Variants in ADGRB3 observed in about 807,000 individuals in gnomAD.
ADGRB3 encodes brain-specific angiogenesis inhibitor 3.
A neutral mutation model predicts 193.4 loss-of-function variants in ADGRB3; 37 were observed. That is an observed-to-expected ratio of 0.19 (90% CI 0.15 to 0.25). The LOEUF (loss-of-function observed/expected upper bound fraction) is 0.25. Among genes scored for constraint, ADGRB3 ranks in the 10% least tolerant of loss-of-function variants. ADGRB3 has a pLI of 1.00. For missense variants in ADGRB3, 1,637 were observed against 1,852.9 expected (o/e 0.88, Z 2.14); for synonymous variants, 690 against 644.2 (o/e 1.07, Z -1.08).
chr6:68,992,069 G>A (rs1769254461), intron 10 of ADGRB3, among the ~76,000 whole-genome samples: 1 of 152,076 alleles, frequency 6.6e-6, no homozygotes, highest in African/African-American at 2.4e-5. Context: ...CTACCCTCAA[G>A]TTTCAGAAAG....
intron 12 of ADGRB3, among the ~76,000 whole-genome samples, chr6:69,017,163 G>A (rs1036108256): frequency 9.9e-5 from 15 of 152,056 alleles, no homozygotes; most frequent in Non-Finnish European, 1.0e-4. Flanking sequence ...TCAAGTATAT[G>A]TGAGTAAATA....
intron 3 of ADGRB3, among the ~76,000 whole-genome samples, chr6:68,656,583 A>G (rs1768494517): frequency 6.6e-6 from 1 of 151,616 alleles, no homozygotes; most frequent in African/African-American, 2.4e-5. Flanking sequence ...GCCTGTATGT[A>G]TGTGAAATAA....
intron 17 of ADGRB3, among the ~76,000 whole-genome samples, chr6:69,083,084 A>C (rs78303931): frequency 6.6e-6 from 1 of 152,190 alleles, no homozygotes; most frequent in African/African-American, 2.4e-5. Flanking sequence ...GAAATATTCA[A>C]ATGGGAAAGT....
At chr6:69,215,712 C>A (rs539346634) in intron 17 of ADGRB3, among the ~76,000 whole-genome samples, 1 of 152,208 alleles carries the variant, frequency 6.6e-6, no homozygotes, top group East Asian at 1.9e-4. Flanking sequence ...TCATCCAAAG[C>A]CTATTAGTTG....
chr6:69,085,723 G>A (rs1346843693), intron 17 of ADGRB3, among the ~76,000 whole-genome samples: 1 of 151,722 alleles, frequency 6.6e-6, no homozygotes, highest in Non-Finnish European at 1.5e-5. Context: ...GTGTTCCTCA[G>A]TAATTAAAGG....
intron 13 of ADGRB3, among the ~76,000 whole-genome samples, chr6:69,040,711 AAAC>A (rs1771039893): frequency 2.9e-5 from 2 of 68,216 alleles, no homozygotes; most frequent in Admixed American, 1.6e-4. Flanking sequence ...AAAAAAAAAC[AAAC>A]AAGAATTTGA....
intron 3 of ADGRB3, among the ~76,000 whole-genome samples, chr6:68,920,660 A>G (rs1257474634): frequency 1.3e-5 from 2 of 152,080 alleles, no homozygotes; most frequent in Non-Finnish European, 2.9e-5. Context: ...ACTTAACCCT[A>G]AATTTCTAAG....
rs1582673873 is a variant in ADGRB3, at chr6:69,389,506, A to G, written c.*615A>G. The G allele has an allele frequency of 6.6e-6, 1 of 152,584 alleles. No individual in the cohort carries two copies. Among genetic ancestry groups the G allele is most frequent in the African/African-American group, 2.4e-5 (1 of 41,444 alleles). 9.5% of individuals were successfully genotyped at this position (152,584 alleles called of 1,614,324 possible). A position where few individuals can be genotyped will look rare whatever the true frequency, so the allele number is the denominator to read the frequency against. ...ATGGTGTAAATAAACTTTTGTCTAC[A>G]TATCAGTTTTTTAGTGCATTTTATT... On this transcript the variant is annotated 3_prime_UTR_variant, in exon 32 of 32. Transcript: ENST00000370598.
At chr6:68,685,272 T>C (rs1764962203) in intron 3 of ADGRB3, among the ~76,000 whole-genome samples, 1 of 152,140 alleles carries the variant, frequency 6.6e-6, no homozygotes, top group African/African-American at 2.4e-5. Context: ...TTAAAGAAGT[T>C]ATAAATTATT....
At chr6:69,130,090 C>A (rs758857831) in intron 17 of ADGRB3, among the ~76,000 whole-genome samples, 41 of 151,950 alleles carry the variant, frequency 2.7e-4, no homozygotes, top group Non-Finnish European at 4.0e-4. Flanking sequence ...GCTGAGAAGT[C>A]CAAGATCAAA....
chr6:68,925,834 A>G (rs1253004342), intron 3 of ADGRB3, among the ~76,000 whole-genome samples: 1 of 152,064 alleles, frequency 6.6e-6, no homozygotes, highest in Non-Finnish European at 1.5e-5. Flanking sequence ...ATCAGAAGCC[A>G]TTTCTGATTC....
intron 3 of ADGRB3, among the ~76,000 whole-genome samples, chr6:68,661,520 CATATATATATGTGTATACATAT>C: frequency 1.2e-5 from 1 of 82,848 alleles, no homozygotes; most frequent in African/African-American, 3.9e-5. Flanking sequence ...TGTGTGTATA[CATATATATATGTGTATACATAT>C]ATATATATAT....
intron 3 of ADGRB3, among the ~76,000 whole-genome samples, chr6:68,870,734 G>A (rs938348603): frequency 4.6e-5 from 7 of 152,196 alleles, no homozygotes; most frequent in Admixed American, 3.9e-4. Flanking sequence ...ACATTTCTGA[G>A]ATTTAGTTTC....
At chr6:69,280,857 A>G (rs1377123909) in intron 20 of ADGRB3, among the ~76,000 whole-genome samples, 1 of 152,154 alleles carries the variant, frequency 6.6e-6, no homozygotes, top group Non-Finnish European at 1.5e-5. Context: ...AAAAAAATAT[A>G]TATATATATG....
chr6:68,814,905 A>T (rs965531526), intron 3 of ADGRB3, among the ~76,000 whole-genome samples: 1 of 152,186 alleles, frequency 6.6e-6, no homozygotes, highest in Non-Finnish European at 1.5e-5. Flanking sequence ...ATCTCAATAG[A>T]TGCAGAAAAG....
chr6:69,358,625 C>G (rs1025094829), intron 28 of ADGRB3, among the ~76,000 whole-genome samples: 3 of 151,896 alleles, frequency 2.0e-5, no homozygotes, highest in African/African-American at 7.2e-5. Context: ...TCTGAATAAT[C>G]TTTCTTTATA....
chr6:68,813,904 G>T (rs1437023846), intron 3 of ADGRB3, among the ~76,000 whole-genome samples: 2 of 152,162 alleles, frequency 1.3e-5, no homozygotes, highest in South Asian at 2.1e-4. Flanking sequence ...TTTTATGGCT[G>T]CATAGTATTC....
chr6:69,194,692 A>G (rs978243794), intron 17 of ADGRB3, among the ~76,000 whole-genome samples: 1 of 152,128 alleles, frequency 6.6e-6, no homozygotes, highest in South Asian at 2.1e-4. Context: ...GATGCTCAAA[A>G]CATATATAAA....
intron 17 of ADGRB3, among the ~76,000 whole-genome samples, chr6:69,225,311 AT>A (rs1765986078): frequency 6.6e-6 from 1 of 151,846 alleles, no homozygotes; most frequent in Admixed American, 6.6e-5. Context: ...TCATATTTTT[AT>A]TTTCTTATTT....
Sources: allele counts gnomAD v4.1 joint callset (sites outside exome capture counted in the v4.1 genomes callset), GRCh38; gene constraint gnomAD v4.1.1; transcripts MANE v1.5; gene names NCBI Gene and HGNC (gene_info 2026-07-23, HGNC 2026-07-21).